Variants in GRIA4 observed in about 807,000 individuals in gnomAD.
GRIA4 encodes the protein glutamate receptor 4.
GRIA4 carries 34 observed loss-of-function variants against 104.0 expected under a neutral mutation model. The observed-to-expected ratio is 0.33, with a 90% confidence interval of 0.25 to 0.44. The LOEUF (loss-of-function observed/expected upper bound fraction) is 0.44, where lower values mean the gene tolerates loss of function less well. Among genes scored for constraint, GRIA4 ranks in the 20% least tolerant of loss-of-function variants. The pLI, the probability that GRIA4 is intolerant of heterozygous loss-of-function variation, is 1.00. For missense variants in GRIA4, 750 were observed against 1,096.5 expected (o/e 0.68, Z 4.46); for synonymous variants, 386 against 381.9 (o/e 1.01, Z -0.13).
chr11:105,679,764 G>A (rs886076919), intron 3 of GRIA4, among the ~76,000 whole-genome samples: 11 of 152,218 alleles, frequency 7.2e-5, no homozygotes, highest in African/African-American at 2.4e-4. Context: ...TGACATAATT[G>A]TAGTTCGTAT....
chr11:105,805,496 A>G (rs943113799), intron 4 of GRIA4, among the ~76,000 whole-genome samples: 1 of 143,064 alleles, frequency 7.0e-6, no homozygotes, highest in South Asian at 2.2e-4. Flanking sequence ...AAAAAAAAAA[A>G]CAAGCCACAA....
intron 14 of GRIA4, among the ~76,000 whole-genome samples, chr11:105,938,357 A>G (rs1457705143): frequency 6.6e-6 from 1 of 152,138 alleles, no homozygotes; most frequent in Non-Finnish European, 1.5e-5. Context: ...TTTTTTTGGT[A>G]TTATAAACAA....
chr11:105,635,423 C>G (rs1951178502), intron 3 of GRIA4, among the ~76,000 whole-genome samples: 1 of 151,984 alleles, frequency 6.6e-6, no homozygotes. Flanking sequence ...TAGTAACTGC[C>G]AAGCATAAGA....
intron 4 of GRIA4, among the ~76,000 whole-genome samples, chr11:105,773,917 T>C (rs1283709635): frequency 6.6e-6 from 1 of 150,646 alleles, no homozygotes; most frequent in Non-Finnish European, 1.5e-5. Flanking sequence ...TAAGTACTAA[T>C]AAGTAATAAA....
intron 6 of GRIA4, among the ~76,000 whole-genome samples, 162 bp from the exon 7 acceptor site, chr11:105,898,107 A>G (rs902818890): frequency 6.6e-6 from 1 of 152,208 alleles, no homozygotes; most frequent in African/African-American, 2.4e-5. Flanking sequence ...CTAAATAGAC[A>G]TAATTAGATT....
intron 4 of GRIA4, among the ~76,000 whole-genome samples, chr11:105,782,969 CAAAA>C (rs1221957920): frequency 6.6e-6 from 1 of 152,034 alleles, no homozygotes; most frequent in Non-Finnish European, 1.5e-5. Flanking sequence ...CACACACAAA[CAAAA>C]TAATAAATGT....
intron 14 of GRIA4, among the ~76,000 whole-genome samples, chr11:105,948,813 G>A (rs77382837): frequency 6.6e-6 from 1 of 151,782 alleles, no homozygotes; most frequent in South Asian, 2.1e-4. Flanking sequence ...GGATGGTCTC[G>A]ATCTCTTGAC....
At chr11:105,891,524 C>T (rs1316325410) in intron 6 of GRIA4, among the ~76,000 whole-genome samples, 2 of 152,106 alleles carry the variant, frequency 1.3e-5, no homozygotes, top group Admixed American at 6.6e-5. Context: ...CACAACTATC[C>T]CTTCTTCAGA....
At chr11:105,653,784 A>C (rs1238752085) in intron 3 of GRIA4, among the ~76,000 whole-genome samples, 5 of 151,960 alleles carry the variant, frequency 3.3e-5, no homozygotes, top group Non-Finnish European at 4.4e-5. Context: ...CATGGAGTCA[A>C]GGAAAGCATC....
chr11:105,629,307 T>G (rs866741207), intron 3 of GRIA4, among the ~76,000 whole-genome samples: 44 of 151,762 alleles, frequency 2.9e-4, no homozygotes, highest in African/African-American at 1.1e-3. Flanking sequence ...ACATTTTCCA[T>G]TTCCATTTAG....
chr11:105,630,968 A>G (rs1355960144), intron 3 of GRIA4, among the ~76,000 whole-genome samples: 1 of 152,210 alleles, frequency 6.6e-6, no homozygotes, highest in East Asian at 1.9e-4. Context: ...ATGCCTGTCC[A>G]TGAACAGGGA....
chr11:105,977,727 T>A (rs1199350900), intron 16 of GRIA4, among the ~76,000 whole-genome samples: 1 of 152,090 alleles, frequency 6.6e-6, no homozygotes, highest in East Asian at 1.9e-4. Context: ...TAAATAGTCC[T>A]GCTTTGCTAA....
chr11:105,652,895 A>AT (rs1033206394), intron 3 of GRIA4, among the ~76,000 whole-genome samples: 8 of 151,642 alleles, frequency 5.3e-5, no homozygotes, highest in Admixed American at 3.9e-4. Flanking sequence ...CTCGGCATAC[A>AT]TTTTTTTTCT....
At chr11:105,839,298 C>T (rs661329) in intron 4 of GRIA4, among the ~76,000 whole-genome samples, 1 of 151,860 alleles carries the variant, frequency 6.6e-6, no homozygotes, top group Non-Finnish European at 1.5e-5. Flanking sequence ...CTTTGATGTA[C>T]TGTGAGCTGT....
At chr11:105,613,921 A>C (rs1486467262) in intron 3 of GRIA4, 1 of 152,044 alleles carries the variant, frequency 6.6e-6, no homozygotes, top group Non-Finnish European at 1.5e-5. Context: ...TCAGAAGTGC[A>C]CATAAATTAG....
chr11:105,688,156 C>CTATATCTA (rs373564678), intron 3 of GRIA4, among the ~76,000 whole-genome samples: 2,813 of 72,702 alleles, frequency 0.039, 48 homozygotes, highest in Non-Finnish European at 0.046. Flanking sequence ...ATATCTATAT[C>CTATATCTA]TCTATCTATC....
At chr11:105,913,924 A>G (rs1015584472) in intron 10 of GRIA4, among the ~76,000 whole-genome samples, 1 of 152,000 alleles carries the variant, frequency 6.6e-6, no homozygotes, top group Non-Finnish European at 1.5e-5. Context: ...ATCACACATG[A>G]TCTTTCCAGA....
At chr11:105,733,917 T>A (rs1199729073) in intron 3 of GRIA4, among the ~76,000 whole-genome samples, 3 of 151,226 alleles carry the variant, frequency 2.0e-5, no homozygotes, top group Non-Finnish European at 4.4e-5. Context: ...TTTACTAGCT[T>A]CACTGGAAAC....
chr11:105,851,669 A>G (rs1341597839), intron 4 of GRIA4, among the ~76,000 whole-genome samples: 1 of 152,182 alleles, frequency 6.6e-6, no homozygotes, highest in Non-Finnish European at 1.5e-5. Flanking sequence ...TAAAGGCAAG[A>G]GAGAATCTGG....
Sources: allele counts gnomAD v4.1 joint callset (sites outside exome capture counted in the v4.1 genomes callset), GRCh38; gene constraint gnomAD v4.1.1; transcripts MANE v1.5; gene names NCBI Gene and HGNC (gene_info 2026-07-23, HGNC 2026-07-21).